Variants in RAB28 observed in about 807,000 individuals in gnomAD.
RAB28 encodes the protein RAB28, member RAS oncogene family.
RAB28 carries 24 observed loss-of-function variants against 31.7 expected under a neutral mutation model. The ratio of observed to expected loss-of-function variants is 0.76; its 90% CI spans 0.55 to 1.06. The LOEUF (loss-of-function observed/expected upper bound fraction) is 1.06, where lower values mean the gene tolerates loss of function less well. Among genes scored for constraint, RAB28 ranks in the 50% least tolerant of loss-of-function variants. The pLI is 0.00. For synonymous variants in RAB28, 100 were observed against 90.4 expected (o/e 1.11, Z -0.60); for missense variants, 254 against 258.5 (o/e 0.98, Z 0.12).
intron 3 of RAB28, among the ~76,000 whole-genome samples, chr4:13,467,618 A>G (rs1232188405): frequency 3.9e-5 from 6 of 151,964 alleles, no homozygotes; most frequent in Admixed American, 3.3e-4. Context: ...TGTATATTGC[A>G]AACTCTAGAA....
intron 6 of RAB28, among the ~76,000 whole-genome samples, chr4:13,375,552 C>T (rs1728885509): frequency 6.6e-6 from 1 of 152,178 alleles, no homozygotes; most frequent in Middle Eastern, 3.4e-3. Flanking sequence ...TTCTCCTAGG[C>T]CCAAAACAAG....
intron 4 of RAB28, 102 bp downstream of exon 4, chr4:13,460,597 T>C (rs1715542617): frequency 1.4e-6 from 2 of 1,414,280 alleles, no homozygotes; most frequent in African/African-American, 1.4e-5. Context: ...TTTTGGGGAT[T>C]AGGTCTTTGA....
At chr4:13,415,224 G>C (rs1019477209) in intron 4 of RAB28, among the ~76,000 whole-genome samples, 2 of 152,178 alleles carry the variant, frequency 1.3e-5, no homozygotes, top group African/African-American at 2.4e-5. Context: ...AAGTAGTATT[G>C]AGAGTTGACA....
chr4:13,446,445 G>A (rs1234793133), intron 4 of RAB28, among the ~76,000 whole-genome samples: 1 of 152,212 alleles, frequency 6.6e-6, no homozygotes, highest in Non-Finnish European at 1.5e-5. Flanking sequence ...CTCAGTGCCT[G>A]TCCAAACAGC....
At chr4:13,482,794 C>A (rs562779173) in intron 1 of RAB28, among the ~76,000 whole-genome samples, 1 of 152,262 alleles carries the variant, frequency 6.6e-6, no homozygotes, top group East Asian at 1.9e-4. Context: ...CAAAAAAATA[C>A]TTCAAATTTT....
chr4:13,423,254 G>C (rs149797386), intron 4 of RAB28, among the ~76,000 whole-genome samples: 2 of 152,130 alleles, frequency 1.3e-5, no homozygotes, highest in African/African-American at 4.8e-5. Context: ...AAAGGTGAGA[G>C]GCCAGGCGCA....
intron 2 of RAB28, 91 bp from the exon 3 acceptor site, chr4:13,474,497 C>G: frequency 4.1e-6 from 3 of 732,944 alleles, no homozygotes; most frequent in Non-Finnish European, 6.4e-6. Context: ...AATACTAAGT[C>G]ACAATAAGAA....
chr4:13,475,089 T>C (rs1223988147), intron 2 of RAB28, among the ~76,000 whole-genome samples: 2 of 151,692 alleles, frequency 1.3e-5, no homozygotes, highest in Non-Finnish European at 3.0e-5. Flanking sequence ...AGTATTTCCA[T>C]TTAAACAAAC....
rs550059125 is a variant in RAB28 at position 13,463,955 on chromosome 4, A to G, written c.262-3127T>C. Among the ~76,000 whole-genome samples the G allele has an allele frequency of 3.3e-5, 5 of 152,246 alleles. No individual in the cohort carries two copies. The South Asian group carries it at 1.0e-3, about 32-fold the overall frequency. On this transcript the variant is annotated intron_variant, in intron 3 of 6. Coordinates refer to ENST00000330852, the MANE Select transcript of RAB28 (RefSeq NM_001017979.3). ...AAGAAAAAGGCAGAACAAACTGAAAAATCAGTGACTTTTCTTGGACTGATC... is the reference window on the plus strand; with the variant it reads ...AAGAAAAAGGCAGAACAAACTGAAAGATCAGTGACTTTTCTTGGACTGATC...
intron 3 of RAB28, among the ~76,000 whole-genome samples, chr4:13,462,821 A>G (rs1426426726): frequency 6.6e-6 from 1 of 152,212 alleles, no homozygotes; most frequent in Non-Finnish European, 1.5e-5. Context: ...TAAAACAAAG[A>G]GTATCTCACT....
At chr4:13,459,994 A>G (rs1394989275) in intron 4 of RAB28, 2 of 973,272 alleles carry the variant, frequency 2.1e-6, no homozygotes, top group Non-Finnish European at 1.4e-6. Context: ...AAAGCAGCGG[A>G]GCAGTTATAA....
intron 4 of RAB28, among the ~76,000 whole-genome samples, chr4:13,422,544 T>C (rs1713224311): frequency 6.6e-6 from 1 of 150,730 alleles, no homozygotes; most frequent in South Asian, 2.1e-4. Context: ...GTGGCACATA[T>C]ACAACATGGA....
intron 6 of RAB28, among the ~76,000 whole-genome samples, chr4:13,369,286 T>C (rs1159550114): frequency 1.3e-5 from 2 of 152,152 alleles, no homozygotes; most frequent in African/African-American, 4.8e-5. Flanking sequence ...TGAAAAAATT[T>C]AGAAAATTAC....
At chr4:13,400,510 G>T (rs2108899810) in intron 4 of RAB28, among the ~76,000 whole-genome samples, 1 of 152,188 alleles carries the variant, frequency 6.6e-6, no homozygotes, top group South Asian at 2.1e-4. Context: ...TGAGAATTTT[G>T]TAGTTTTATT....
At chr4:13,382,571 T>C (rs1163401351) in intron 4 of RAB28, among the ~76,000 whole-genome samples, 1 of 152,092 alleles carries the variant, frequency 6.6e-6, no homozygotes, top group Non-Finnish European at 1.5e-5. Flanking sequence ...AAAGACTTTA[T>C]TTAAAATTAT....
intron 4 of RAB28, chr4:13,459,671 A>ACCAAGAAC (rs1274149326): frequency 3.8e-6 from 3 of 785,412 alleles, no homozygotes; most frequent in African/African-American, 1.9e-5. Context: ...TCTCCCTAGT[A>ACCAAGAAC]CACTCTTTCT....
chr4:13,466,505 T>C (rs965017033), intron 3 of RAB28, among the ~76,000 whole-genome samples: 23 of 151,954 alleles, frequency 1.5e-4, no homozygotes, highest in African/African-American at 5.1e-4. Context: ...TACCCTCTTA[T>C]ACCTGTCAGA....
At chr4:13,449,046 G>C (rs1714837497) in intron 4 of RAB28, among the ~76,000 whole-genome samples, 1 of 151,910 alleles carries the variant, frequency 6.6e-6, no homozygotes, top group Non-Finnish European at 1.5e-5. Context: ...ATGGTTAAAA[G>C]GGCAGAATGT....
chr4:13,450,616 G>T (rs1168897885), intron 4 of RAB28, among the ~76,000 whole-genome samples: 2 of 151,888 alleles, frequency 1.3e-5, no homozygotes, highest in Non-Finnish European at 3.0e-5. Context: ...TCAGAGTTTA[G>T]ATTTTAGTGG....
Sources: gnomAD v4.1 joint callset for allele counts (sites outside exome capture counted in the v4.1 genomes callset) on GRCh38, gnomAD v4.1.1 for gene constraint, MANE v1.5 for transcripts, NCBI Gene and HGNC (gene_info 2026-07-23, HGNC 2026-07-21) for gene names.